RHOU: variants seen among roughly 807,000 people sequenced by gnomAD.
RHOU encodes rho-related GTP-binding protein RhoU.
Under a neutral mutation model 12.6 loss-of-function variants are expected in RHOU, and 8 were observed. The ratio of observed to expected loss-of-function variants is 0.64; its 90% confidence interval spans 0.37 to 1.15. The LOEUF (loss-of-function observed/expected upper bound fraction) is 1.15, where lower values mean the gene tolerates loss of function less well. RHOU is among the 50% of genes most tolerant of loss of function. The probability of loss-of-function intolerance (pLI) is 0.01; values close to 1 mark genes in which losing one functional copy is unlikely to be tolerated. For synonymous variants in RHOU, 161 were observed against 147.4 expected, an observed-to-expected ratio of 1.09 and a Z score of -0.67; for missense variants, 258 against 347.0, an observed-to-expected ratio of 0.74 and a Z score of 2.04.
chr1:228,706,091 A>G, the RHOU span, among the ~76,000 whole-genome samples: 1 of 152,166 alleles, frequency 6.6e-6, no homozygotes, highest in Non-Finnish European at 1.5e-5. Context: ...CAGATAACTC[A>G]AAACACAAAT....
At chr1:228,669,282 A>C in the RHOU span, among the ~76,000 whole-genome samples, 3 of 152,050 alleles carry the variant, frequency 2.0e-5, no homozygotes, top group Admixed American at 6.5e-5. Flanking sequence ...TCATCACAGG[A>C]GTTGGACAAG....
At chr1:228,729,665 C>G in the RHOU span, among the ~76,000 whole-genome samples, 11 of 152,262 alleles carry the variant, frequency 7.2e-5, no homozygotes, top group African/African-American at 2.4e-4. Context: ...AAAATTAACT[C>G]CTATGTTTCT....
the RHOU span, among the ~76,000 whole-genome samples, chr1:228,656,791 A>G: frequency 6.6e-6 from 1 of 152,198 alleles, no homozygotes; most frequent in African/African-American, 2.4e-5. Flanking sequence ...TATAATGCAT[A>G]TAAAAAAAGG....
chr1:228,734,363 A>G (rs935769449), upstream of RHOU, among the ~76,000 whole-genome samples: 2 of 152,140 alleles, frequency 1.3e-5, no homozygotes, highest in African/African-American at 4.8e-5. Context: ...TACGTTTATC[A>G]TACTGACTTA....
chr1:228,674,389 C>G, the RHOU span, among the ~76,000 whole-genome samples: 9 of 150,556 alleles, frequency 6.0e-5, no homozygotes, highest in African/African-American at 2.2e-4. Flanking sequence ...TATTGTCACC[C>G]AGGCTGGAGC....
At position 228,737,813 on chromosome 1, in the gene RHOU, A is replaced by C; in HGVS notation, c.321+82A>C. 1.4e-6 allele frequency: 2 copies of C among 1,434,744 alleles called. No homozygotes were observed. The highest frequency in any genetic ancestry group is 2.3e-5 in the South Asian group (2 of 86,128). The allele number at this position is 1,434,744 out of a possible 1,614,324, so 88.9% of individuals were successfully genotyped here. A position where few individuals can be genotyped will look rare whatever the true frequency, so the allele number is the denominator to read the frequency against. ...CAAATAACCTTTGATTCCCTCAGTCAGTAACTGGGTCATTCTAAAGCCTCA... is the reference window on the plus strand; with the variant it reads ...CAAATAACCTTTGATTCCCTCAGTCCGTAACTGGGTCATTCTAAAGCCTCA... On this transcript the variant is annotated intron_variant, in intron 2 of 2. Transcript: ENST00000366691. This position sits in a 1 kb window ranked among gnomAD's most constrained non-coding sequence, Gnocchi z 4.1.
chr1:228,743,739 G>A lies in RHOU; in HGVS notation c.776G>A (p.Ter259=), dbSNP rs1182820382. The A allele has an allele frequency of 2.5e-6, 4 of 1,604,528 alleles. No homozygotes were observed. The South Asian group carries it at 3.3e-5, about 13-fold the overall frequency. The change falls in exon 3 of 3, where the codon TGA becomes TAA. Residue 259 remains the stop codon, a stop_retained_variant. Transcript: ENST00000366691. The surrounding 1 kb of genome is among the most constrained non-coding windows in gnomAD (Gnocchi z 5.1). ...SWWKKYCCFV[*] ...TGGAAGAAGTACTGCTGTTTCGTAT[G>A]ATGCTGGCAAGACACCCAGAAAGGC...
At chr1:228,653,751 C>T in the RHOU span, among the ~76,000 whole-genome samples, 1 of 152,146 alleles carries the variant, frequency 6.6e-6, no homozygotes, top group African/African-American at 2.4e-5. Context: ...CCACTGTGAC[C>T]AGCCTCAAGA....
the RHOU span, among the ~76,000 whole-genome samples, chr1:228,658,646 C>T: frequency 5.3e-5 from 8 of 152,210 alleles, no homozygotes; most frequent in Non-Finnish European, 2.9e-5. Flanking sequence ...TATTCTTAAA[C>T]AACCAATGGG....
At chr1:228,650,733 G>A in the RHOU span, 1 of 458,446 alleles carries the variant, frequency 2.2e-6, no homozygotes, top group Non-Finnish European at 4.3e-6. Context: ...ATCAACTACA[G>A]GCCAGCTTAT....
the RHOU span, among the ~76,000 whole-genome samples, chr1:228,693,622 A>T: frequency 6.6e-6 from 1 of 152,006 alleles, no homozygotes; most frequent in Admixed American, 6.6e-5. Flanking sequence ...ACGCGCCACC[A>T]CGGCCGGCTA....
At chr1:228,732,873 T>A (rs967297243), upstream of RHOU, among the ~76,000 whole-genome samples, 3 of 152,040 alleles carry the variant, frequency 2.0e-5, no homozygotes, top group Non-Finnish European at 4.4e-5. Flanking sequence ...CAAAAACAAA[T>A]GTTTAAAGTG....
the RHOU span, among the ~76,000 whole-genome samples, chr1:228,712,250 G>C: frequency 6.6e-6 from 1 of 150,756 alleles, no homozygotes; most frequent in Non-Finnish European, 1.5e-5. Context: ...AAGTCAGTGT[G>C]GCGATTCCTC....
chr1:228,730,540 G>A (rs147502036), upstream of RHOU, among the ~76,000 whole-genome samples: 283 of 152,280 alleles, frequency 1.9e-3, no homozygotes, highest in South Asian at 6.2e-3. Context: ...TCTCAATTCT[G>A]AGAATCATGT....
Position 228,737,806 on chromosome 1 carries a change from C to T in RHOU, c.321+75C>T. 1 of 1,481,806 alleles carries T rather than the reference C, an allele frequency of 6.7e-7. No homozygotes were observed. The highest frequency in any genetic ancestry group is 1.1e-5 in the South Asian group (1 of 87,498). The allele number at this position is 1,481,806 out of a possible 1,614,324, so 91.8% of individuals were successfully genotyped here. On this transcript the variant is annotated intron_variant, in intron 2 of 2. Transcript: ENST00000366691. The surrounding 1 kb of genome is among the most constrained non-coding windows in gnomAD (Gnocchi z 4.1). ...AGATTTCCAAATAACCTTTGATTCC[C>T]TCAGTCAGTAACTGGGTCATTCTAA...
the RHOU span, among the ~76,000 whole-genome samples, chr1:228,707,182 A>AAT: frequency 1.7e-4 from 16 of 93,196 alleles, no homozygotes; most frequent in Non-Finnish European, 1.7e-4. Flanking sequence ...ATATTAACAA[A>AAT]ATATATATAT....
rs1571887743 is a variant in RHOU at position 228,735,814 on chromosome 1, GCGCGGTGGA to G, written c.78_86del (p.Gly30_Gly32del). On this transcript the variant is annotated inframe_deletion, in exon 1 of 3. Transcript: ENST00000366691. The surrounding 1 kb of genome is among the most constrained non-coding windows in gnomAD (Gnocchi z 8.1). Reference sequence around the variant, plus strand: ...CGCCTCCGGTGCCGCCGCGTCGGGAGCGCGGTGGACGCGGGGGACGCGGGCCTGGGGAGC... The same window carrying G: ...CGCCTCCGGTGCCGCCGCGTCGGGAGCGCGGGGGACGCGGGCCTGGGGAGC... The G allele has an allele frequency of 1.5e-5, 18 of 1,222,906 alleles. No homozygotes were observed. The East Asian group carries it at 1.7e-4, about 11-fold the overall frequency. 75.8% of individuals were successfully genotyped at this position (1,222,906 alleles called of 1,614,324 possible). A position where few individuals can be genotyped will look rare whatever the true frequency, so the allele number is the denominator to read the frequency against.
At chr1:228,705,976 C>A in the RHOU span, among the ~76,000 whole-genome samples, 2 of 151,982 alleles carry the variant, frequency 1.3e-5, no homozygotes, top group South Asian at 4.1e-4. Context: ...ACCCAGGAGG[C>A]GGAGGTTGCA....
chr1:228,743,712 G>A lies in RHOU; in HGVS notation c.749G>A (p.Trp250Ter), dbSNP rs1662771180. ...PDKMKNLSKSWWKKYCCFV is the reference protein window; with the variant it reads ...PDKMKNLSKS ...AAAATGAAAAACCTCTCCAAGTCCT[G>A]GTGGAAGAAGTACTGCTGTTTCGTA... The change falls in exon 3 of 3, where the codon TGG (tryptophan) becomes TAG (stop). Residue 250 changes from tryptophan (W) to a stop codon, truncating the protein, a stop_gained. Transcript: ENST00000366691. LOFTEE classifies it high-confidence loss of function. This position sits in a 1 kb window ranked among gnomAD's most constrained non-coding sequence, Gnocchi z 5.1. 5.6e-6 allele frequency: 9 copies of A among 1,613,416 alleles called. No homozygotes were observed. Among genetic ancestry groups the A allele is most frequent in the Non-Finnish European group, 7.6e-6 (9 of 1,179,666 alleles).
Sources: gnomAD v4.1 joint callset for allele counts (sites outside exome capture counted in the v4.1 genomes callset) on GRCh38, gnomAD v4.1.1 for gene constraint, Gnocchi (gnomAD v3.1) non-coding constraint, MANE v1.5 for transcripts, NCBI Gene and HGNC (gene_info 2026-07-23, HGNC 2026-07-21) for gene names.